The following CTNNB1 variants were observed in gnomAD, a reference collection of about 807,000 sequenced individuals.
CTNNB1 encodes the protein catenin beta-1.
In CTNNB1, 6 loss-of-function variants were observed where a neutral mutation model predicts 82.5. The observed-to-expected ratio is 0.07, with a 90% CI of 0.04 to 0.14. CTNNB1 has a LOEUF of 0.14. CTNNB1 is among the 10% of genes least tolerant of loss of function. CTNNB1 has a pLI of 1.00. For missense variants in CTNNB1, 529 were observed against 980.4 expected (o/e 0.54, Z 6.15); for synonymous variants, 312 against 329.7 (o/e 0.95, Z 0.58).
rs1428702147 is a variant in CTNNB1, at chr3:41,239,984, CTCTTTTT to C, written c.*644_*650del. The C allele has an allele frequency of 2.3e-3, 136 of 58,928 alleles. 1 individual carries two copies. The highest frequency in any genetic ancestry group is 0.012 in the East Asian group (76 of 6,260). 3.7% of individuals were successfully genotyped at this position (58,928 alleles called of 1,614,324 possible). A position where few individuals can be genotyped will look rare whatever the true frequency, so the allele number is the denominator to read the frequency against. On this transcript the variant is annotated 3_prime_UTR_variant, in exon 15 of 15. Coordinates refer to ENST00000349496, the MANE Select transcript of CTNNB1 (RefSeq NM_001904.4). ...ACTGACTTTGCTTGCTTTGAAGTAG[CTCTTTTT>C]TTTTTTTTTTTTTTTTTTTTGCAGT...
intron 1 of CTNNB1, among the ~76,000 whole-genome samples, chr3:41,217,821 T>C (rs536990812): frequency 1.3e-5 from 2 of 152,360 alleles, no homozygotes; most frequent in East Asian, 3.9e-4. Flanking sequence ...ATGTTATTTC[T>C]TGTTCTTTCC....
chr3:41,237,949 A>G lies in CTNNB1; in HGVS notation c.2077-67A>G, dbSNP rs4135385. 314,219 of 1,341,932 alleles carry G rather than the reference A, an allele frequency of 0.23. 41,069 individuals carry two copies. Among genetic ancestry groups the G allele is most frequent in the East Asian group, 0.53 (23,111 of 43,538 alleles). 83.1% of individuals were successfully genotyped at this position (1,341,932 alleles called of 1,614,324 possible). On this transcript the variant is annotated intron_variant, in intron 13 of 14. Coordinates refer to ENST00000349496, the MANE Select transcript of CTNNB1 (RefSeq NM_001904.4). ...AATCTGAAAGTATGCTTTAAAAAAA[A>G]TTAGTGTACTTTTGAGAATTTTCAT...
chr3:41,234,490 A>G (rs2078386958), intron 10 of CTNNB1, 193 bp downstream of exon 10: 3 of 638,130 alleles, frequency 4.7e-6, no homozygotes, highest in East Asian at 5.7e-5. Context: ...CCCCAGTGAT[A>G]TTTCCTTGGA....
intron 1 of CTNNB1, among the ~76,000 whole-genome samples, chr3:41,202,097 A>G (rs1342279399): frequency 2.0e-5 from 3 of 152,228 alleles, no homozygotes; most frequent in Admixed American, 6.5e-5. Flanking sequence ...TTTGAATATA[A>G]TTATTTTGTA....
chr3:41,203,049 T>C lies in CTNNB1; in HGVS notation c.-49+3379T>C, dbSNP rs201066782. 2.0e-4 allele frequency among the ~76,000 whole-genome samples: 31 copies of C among 151,864 alleles called. No homozygotes were observed. In the East Asian group the frequency reaches 4.1e-3, roughly 20 times the overall value. ...GGGTTTAGCCACTTTTTTTTTTTTT[T>C]TTTTTTAACTCATGGGCATCTCTTC... On this transcript the variant is annotated intron_variant, in intron 1 of 14. Coordinates refer to ENST00000349496, the MANE Select transcript of CTNNB1 (RefSeq NM_001904.4).
chr3:41,223,571 G>GT (rs1412927072), intron 1 of CTNNB1, among the ~76,000 whole-genome samples: 1 of 152,072 alleles, frequency 6.6e-6, no homozygotes, highest in Admixed American at 6.5e-5. Context: ...AAAACAACTT[G>GT]TTAAAGAAAA....
chr3:41,217,974 C>T (rs1454871492), intron 1 of CTNNB1, among the ~76,000 whole-genome samples: 1 of 152,104 alleles, frequency 6.6e-6, no homozygotes, highest in Admixed American at 6.5e-5. Flanking sequence ...ATTTTAAAAA[C>T]TACATACACA....
At chr3:41,237,368 T>G (rs2078459489) in intron 13 of CTNNB1, 1 of 137,178 alleles carries the variant, frequency 7.3e-6, no homozygotes, top group Non-Finnish European at 1.5e-5. Context: ...TCCTAGCTAC[T>G]GGGGAGACGG....
At position 41,239,650 on chromosome 3, in the gene CTNNB1, C is replaced by CTTTATACAGCTGTATT. The variant is rs2125655020; in HGVS notation, c.*309_*324dup. On this transcript the variant is annotated 3_prime_UTR_variant, in exon 15 of 15. Transcript: ENST00000349496. The stretch of plus-strand genomic sequence containing the variant: ...TAAACATTAATAGCAGCCTTTCTCT[C>CTTTATACAGCTGTATT]TTTATACAGCTGTATTGTCTGAACT... The CTTTATACAGCTGTATT allele has an allele frequency of 2.2e-6, 1 of 463,694 alleles. No individual in the cohort carries two copies. The highest frequency in any genetic ancestry group is 3.8e-5 in the East Asian group (1 of 26,110). 28.7% of individuals were successfully genotyped at this position (463,694 alleles called of 1,614,324 possible).
rs1014253399 is a variant in CTNNB1 at position 41,239,564 on chromosome 3, T to G, written c.*222T>G. The G allele has an allele frequency of 5.6e-5, 32 of 575,622 alleles. No homozygotes were observed. The highest frequency in any genetic ancestry group is 9.6e-5 in the Non-Finnish European group (31 of 321,866). The allele number at this position is 575,622 out of a possible 1,614,324, so 35.7% of individuals were successfully genotyped here. A position where few individuals can be genotyped will look rare whatever the true frequency, so the allele number is the denominator to read the frequency against. On this transcript the variant is annotated 3_prime_UTR_variant, in exon 15 of 15. Transcript: ENST00000349496. Reference sequence around the variant, plus strand: ...GTGATCATGTGTGGAAGTTATTAACTTTAATGTTTTTTGCCACAGCTTTTG... The same window carrying G: ...GTGATCATGTGTGGAAGTTATTAACGTTAATGTTTTTTGCCACAGCTTTTG...
intron 10 of CTNNB1, 128 bp from the exon 11 acceptor site, chr3:41,235,596 C>T: frequency 1.6e-6 from 2 of 1,246,016 alleles, no homozygotes; most frequent in East Asian, 2.3e-5. Context: ...AATCCTTCTT[C>T]CTTCCTGAAC....
At chr3:41,220,946 C>T (rs1375272739) in intron 1 of CTNNB1, 1 of 152,162 alleles carries the variant, frequency 6.6e-6, no homozygotes, top group Non-Finnish European at 1.5e-5. Context: ...CTCCCATTGA[C>T]TTTGACTGGA....
chr3:41,207,463 C>T (rs927042526), intron 1 of CTNNB1, among the ~76,000 whole-genome samples: 1 of 152,122 alleles, frequency 6.6e-6, no homozygotes, highest in Non-Finnish European at 1.5e-5. Flanking sequence ...TGAACTTCCC[C>T]TCTCCTCTCC....
chr3:41,213,317 C>T (rs1373994604), intron 1 of CTNNB1, among the ~76,000 whole-genome samples: 1 of 152,214 alleles, frequency 6.6e-6, no homozygotes, highest in East Asian at 1.9e-4. Flanking sequence ...CATCCTTCTT[C>T]AGGTCTCAGC....
rs2078147129 is a variant in CTNNB1, at chr3:41,225,271, CAG to C, written c.496-61_496-60del. 3 of 1,613,716 alleles carry C rather than the reference CAG, an allele frequency of 1.9e-6. No individual in the cohort carries two copies. Among genetic ancestry groups the C allele is most frequent in the Non-Finnish European group, 8.5e-7 (1 of 1,179,752 alleles). On this transcript the variant is annotated intron_variant, in intron 4 of 14. Coordinates refer to ENST00000349496, the MANE Select transcript of CTNNB1 (RefSeq NM_001904.4). This position sits in a 1 kb window ranked among gnomAD's most constrained non-coding sequence, Gnocchi z 5.3. Reference sequence around the variant, plus strand: ...AGTAAATGCTCAAGGGGAGTAGTTTCAGAATGTCTACCCAATACCAGTACTTG... The same window carrying C: ...AGTAAATGCTCAAGGGGAGTAGTTTCAATGTCTACCCAATACCAGTACTTG...
chr3:41,219,640 A>T (rs1033299224), intron 1 of CTNNB1, among the ~76,000 whole-genome samples: 1 of 152,218 alleles, frequency 6.6e-6, no homozygotes. Context: ...GTTGTGTCAG[A>T]TAACAGCTGG....
intron 1 of CTNNB1, among the ~76,000 whole-genome samples, chr3:41,209,672 A>G (rs75288535): frequency 0.025 from 3,770 of 152,354 alleles, 133 homozygotes; most frequent in East Asian, 0.15. Flanking sequence ...GGTGTGGCCA[A>G]TTACTATGAT....
intron 10 of CTNNB1, 72 bp from the exon 11 acceptor site, chr3:41,235,652 A>G: frequency 6.3e-7 from 1 of 1,594,566 alleles, no homozygotes; most frequent in Non-Finnish European, 8.6e-7. Flanking sequence ...GTAAATAATT[A>G]CAGTCTAATA....
Position 41,239,373 on chromosome 3 carries a change from C to A in CTNNB1, c.*31C>A. The A allele has an allele frequency of 6.3e-7, 1 of 1,589,666 alleles. No individual in the cohort carries two copies. Among genetic ancestry groups the A allele is most frequent in the Non-Finnish European group, 8.6e-7 (1 of 1,162,176 alleles). On this transcript the variant is annotated 3_prime_UTR_variant, in exon 15 of 15. Transcript: ENST00000349496. ...CCTTTAGGTAAGAAGTTTTAAAAAG[C>A]CAGTTTGGGTAAAATACTTTTACTC...
Sources: allele counts gnomAD v4.1 joint callset (sites outside exome capture counted in the v4.1 genomes callset), GRCh38; gene constraint gnomAD v4.1.1; non-coding constraint Gnocchi (gnomAD v3.1); transcripts MANE v1.5; gene names NCBI Gene and HGNC (gene_info 2026-07-23, HGNC 2026-07-21).